The following APOH variants were observed in gnomAD, a reference collection of about 807,000 sequenced individuals.
APOH encodes the protein apolipoprotein H.
Under a neutral mutation model 39.8 loss-of-function variants are expected in APOH, and 48 were observed. The ratio of observed to expected loss-of-function variants is 1.21; its 90% CI spans 0.96 to 1.54. The LOEUF is 1.54. APOH is among the 40% of genes most tolerant of loss of function. The pLI, the probability that APOH is intolerant of heterozygous loss-of-function variation, is 0.00. For synonymous variants in APOH, 153 were observed against 151.1 expected, an observed-to-expected ratio of 1.01 and a Z score of -0.09; for missense variants, 415 against 421.2, an observed-to-expected ratio of 0.99 and a Z score of 0.13.
At chr17:66,227,206 C>T (rs117588809) in intron 2 of APOH, among the ~76,000 whole-genome samples, 3 of 152,130 alleles carry the variant, frequency 2.0e-5, no homozygotes, top group African/African-American at 2.4e-5. Context: ...AAAATTTTCC[C>T]TAATGATGTT....
In APOH at chr17:66,229,407, A is replaced by C. The variant is rs1287695136; in HGVS notation, c.-28T>G. ...TGGATGAGTCACACTGGCACTACCA[A>C]AGTGGTTTTCGTCTGCTAAAAAGAC... On this transcript the variant is annotated 5_prime_UTR_variant, in exon 1 of 8. Coordinates refer to ENST00000205948, the MANE Select transcript of APOH (RefSeq NM_000042.3). 3.7e-6 allele frequency: 6 copies of C among 1,609,154 alleles called. No individual in the cohort carries two copies. Among genetic ancestry groups the C allele is most frequent in the Non-Finnish European group, 5.1e-6 (6 of 1,176,762 alleles).
intron 5 of APOH, 56 bp from the exon 6 acceptor site, chr17:66,217,023 A>G: frequency 7.2e-7 from 1 of 1,380,632 alleles, no homozygotes; most frequent in Non-Finnish European, 9.7e-7. Flanking sequence ...TCCAATAGTC[A>G]TGAAATAGTT....
Position 66,220,505 on chromosome 17 carries a change from A to G in APOH, c.604+49T>C. 2.6e-6 allele frequency: 4 copies of G among 1,564,990 alleles called. No individual in the cohort carries two copies. The South Asian group carries it at 4.5e-5, about 18-fold the overall frequency. ...GTCAGAATTTTCAATACCTTTCACAAATGGGATCTTGCCCTACCATGCGTA... is the reference window on the plus strand; with the variant it reads ...GTCAGAATTTTCAATACCTTTCACAGATGGGATCTTGCCCTACCATGCGTA... On this transcript the variant is annotated intron_variant, in intron 5 of 7. Coordinates refer to ENST00000205948, the MANE Select transcript of APOH (RefSeq NM_000042.3).
chr17:66,222,425 T>G (rs1227562582), intron 4 of APOH, among the ~76,000 whole-genome samples: 1 of 152,142 alleles, frequency 6.6e-6, no homozygotes, highest in Admixed American at 6.6e-5. Context: ...TAAATCTGTT[T>G]TAAGTGAAAA....
intron 3 of APOH, among the ~76,000 whole-genome samples, chr17:66,225,149 G>T (rs1487418176): frequency 6.6e-6 from 1 of 152,108 alleles, no homozygotes; most frequent in African/African-American, 2.4e-5. Flanking sequence ...CCCATTGGTA[G>T]ATTGGTGTTT....
chr17:66,227,091 C>A (rs1279141487), intron 2 of APOH, among the ~76,000 whole-genome samples: 1 of 152,004 alleles, frequency 6.6e-6, no homozygotes, highest in African/African-American at 2.4e-5. Context: ...ACCATGCTGG[C>A]CAGGCTGGTC....
chr17:66,222,784 T>C (rs533812405), intron 4 of APOH, among the ~76,000 whole-genome samples: 1 of 152,260 alleles, frequency 6.6e-6, no homozygotes, highest in East Asian at 1.9e-4. Flanking sequence ...TTGGTCAGGC[T>C]GGTCTCGAAC....
intron 7 of APOH, among the ~76,000 whole-genome samples, chr17:66,212,887 T>C (rs1202078292): frequency 6.6e-6 from 1 of 152,258 alleles, no homozygotes; most frequent in Non-Finnish European, 1.5e-5. Context: ...TTTCTACTGA[T>C]TTTTATTTAA....
chr17:66,218,238 AACTG>A (rs373322950), intron 5 of APOH, among the ~76,000 whole-genome samples: 5 of 152,314 alleles, frequency 3.3e-5, no homozygotes, highest in African/African-American at 1.2e-4. Flanking sequence ...AGCACCCCTC[AACTG>A]ACTAAGTATC....
At chr17:66,215,192 C>A (rs2073357623) in intron 6 of APOH, among the ~76,000 whole-genome samples, 1 of 152,202 alleles carries the variant, frequency 6.6e-6, no homozygotes, top group Non-Finnish European at 1.5e-5. Flanking sequence ...AGCAGGTCCC[C>A]TTGGCTCTTA....
chr17:66,228,320 A>G, intron 1 of APOH, 124 bp from the exon 2 acceptor site: 1 of 888,314 alleles, frequency 1.1e-6, no homozygotes, highest in Non-Finnish European at 1.7e-6. Flanking sequence ...TGCATGCCAA[A>G]TACCTCATAT....
At chr17:66,225,786 A>C (rs1598554182) in intron 3 of APOH, among the ~76,000 whole-genome samples, 1 of 152,018 alleles carries the variant, frequency 6.6e-6, no homozygotes, top group African/African-American at 2.4e-5. Context: ...CTGAGGCAGG[A>C]GAATGGTGTG....
intron 3 of APOH, 63 bp downstream of exon 3, chr17:66,225,965 T>C: frequency 8.6e-7 from 1 of 1,163,584 alleles, no homozygotes; most frequent in Non-Finnish European, 1.3e-6. Context: ...GTCTTGATGT[T>C]TAGCTTAAGG....
intron 1 of APOH, among the ~76,000 whole-genome samples, chr17:66,228,989 C>T (rs1482485605): frequency 1.3e-5 from 2 of 151,798 alleles, no homozygotes; most frequent in African/African-American, 2.4e-5. Context: ...CCTGCCATCA[C>T]GCCCGGCTAA....
chr17:66,228,304 C>A, intron 1 of APOH, 108 bp from the exon 2 acceptor site: 1 of 1,211,174 alleles, frequency 8.3e-7, no homozygotes, highest in Non-Finnish European at 1.2e-6. Context: ...TATAAGCATA[C>A]CAAGTTGCAT....
intron 3 of APOH, among the ~76,000 whole-genome samples, chr17:66,224,409 G>A: frequency 7.1e-6 from 1 of 141,142 alleles, no homozygotes; most frequent in Admixed American, 7.6e-5. Flanking sequence ...GGGAGGTCGA[G>A]GCTGCAGTGA....
rs142113711 is a variant in APOH, at chr17:66,216,844, G to A, written c.728C>T (p.Pro243Leu). The A allele has an allele frequency of 6.6e-5, 107 of 1,611,378 alleles. No homozygotes were observed. The highest frequency in any genetic ancestry group is 2.9e-4 in the East Asian group (13 of 44,692). ...CAGTTTGGTACATTCTATTTCTTCC[G>A]GGCCATCCAGAGAATATCCATCATG... Reference protein sequence around the residue: ...GCHDGYSLDGPEEIECTKLGN... With the variant: ...GCHDGYSLDGLEEIECTKLGN... Residue 243 changes from proline (P) to leucine (L), a missense_variant, in exon 6 of 8, where the codon CCG becomes CTG. By Grantham distance (98) the Pro-to-Leu change is moderately conservative (BLOSUM62 -3). Around this residue, in one of 3 missense-constraint regions of APOH, gnomAD observed 7 missense variants for 25.6 expected, o/e 0.27. Transcript: ENST00000205948.
intron 3 of APOH, among the ~76,000 whole-genome samples, chr17:66,225,251 C>A (rs1467061823): frequency 6.6e-6 from 1 of 152,078 alleles, no homozygotes; most frequent in Non-Finnish European, 1.5e-5. Context: ...CCAATGTGCT[C>A]TCAATAATGT....
chr17:66,228,355 A>T (rs1258939519), intron 1 of APOH, among the ~76,000 whole-genome samples, 159 bp from the exon 2 acceptor site: 1 of 152,192 alleles, frequency 6.6e-6, no homozygotes, highest in Non-Finnish European at 1.5e-5. Flanking sequence ...AATCCCCTCA[A>T]CAACCATTTG....
Sources: gnomAD v4.1 joint callset for allele counts (sites outside exome capture counted in the v4.1 genomes callset) on GRCh38, gnomAD v4.1.1 for gene constraint, gnomAD v4.1.1 regional missense constraint, MANE v1.5 for transcripts, NCBI Gene and HGNC (gene_info 2026-07-23, HGNC 2026-07-21) for gene names.